SDR16C5: variants seen among roughly 807,000 people sequenced by gnomAD.
SDR16C5 encodes epidermal retinol dehydrogenase 2.
Under a neutral mutation model 27.7 loss-of-function variants are expected in SDR16C5, and 20 were observed. That is an observed-to-expected ratio of 0.72 (90% CI 0.51 to 1.05). The LOEUF (loss-of-function observed/expected upper bound fraction) is 1.05. SDR16C5 is among the 50% of genes least tolerant of loss of function. The pLI, the probability that SDR16C5 is intolerant of heterozygous loss-of-function variation, is 0.00. For synonymous variants in SDR16C5, 139 were observed against 132.3 expected, an observed-to-expected ratio of 1.05 and a Z score of -0.35; for missense variants, 374 against 366.3, an observed-to-expected ratio of 1.02 and a Z score of -0.17.
chr8:56,314,741 A>T (rs1815146155), intron 2 of SDR16C5, among the ~76,000 whole-genome samples: 1 of 152,200 alleles, frequency 6.6e-6, no homozygotes. Context: ...GACAAACTTG[A>T]AAGTCATAAA....
rs1814751466 is a variant in SDR16C5, at chr8:56,301,437, T to C, written c.*43A>G. 7.4e-7 allele frequency: 1 copy of C among 1,354,692 alleles called. No individual in the cohort carries two copies. Among genetic ancestry groups the C allele is most frequent in the African/African-American group, 1.4e-5 (1 of 69,776 alleles). 83.9% of individuals were successfully genotyped at this position (1,354,692 alleles called of 1,614,324 possible). A position where few individuals can be genotyped will look rare whatever the true frequency, so the allele number is the denominator to read the frequency against. ...CTTTTCTTCATTGAAGTACGCATTA[T>C]GTAACACTGTGTATCAGATGACCTT... On this transcript the variant is annotated 3_prime_UTR_variant, in exon 7 of 7. Coordinates refer to ENST00000303749, the MANE Select transcript of SDR16C5 (RefSeq NM_138969.4).
chr8:56,312,678 C>A (rs915902195), intron 2 of SDR16C5, among the ~76,000 whole-genome samples: 1 of 151,902 alleles, frequency 6.6e-6, no homozygotes, highest in Non-Finnish European at 1.5e-5. Context: ...GCACTCCAGC[C>A]TGGGTGACAG....
At chr8:56,312,532 C>G (rs1171953342) in intron 2 of SDR16C5, among the ~76,000 whole-genome samples, 2 of 151,942 alleles carry the variant, frequency 1.3e-5, no homozygotes, top group Non-Finnish European at 1.5e-5. Flanking sequence ...TGGCAAAATC[C>G]TGTCTCTATT....
At position 56,312,160 on chromosome 8, in the gene SDR16C5, T is replaced by C. The variant is rs1416331236; in HGVS notation, c.462A>G (p.Leu154=). The C allele has an allele frequency of 3.1e-6, 5 of 1,611,362 alleles. No individual in the cohort carries two copies. Among genetic ancestry groups the C allele is most frequent in the Non-Finnish European group, 3.4e-6 (4 of 1,177,774 alleles). Residue 154 remains leucine, a synonymous_variant, in exon 3 of 7, where the codon TTA becomes TTG. Transcript: ENST00000303749. ...KSFDVNFKAH[L]WTYKAFLPAM... ...GATGAGAAGAAACAATTATTACCCA[T>C]AAATGTGCTTTGAAATTCACATCAA...
At chr8:56,317,939 T>C (rs188613585) in intron 1 of SDR16C5, among the ~76,000 whole-genome samples, 3 of 152,300 alleles carry the variant, frequency 2.0e-5, no homozygotes, top group African/African-American at 7.2e-5. Context: ...AGTAATCTAG[T>C]TGAAGAGACG....
At chr8:56,302,816 A>T (rs1383193668) in intron 6 of SDR16C5, among the ~76,000 whole-genome samples, 1 of 151,696 alleles carries the variant, frequency 6.6e-6, no homozygotes, top group Non-Finnish European at 1.5e-5. Context: ...CCCCATCTCT[A>T]AAAAAATAAA....
chr8:56,308,320 G>A (rs1442328989), intron 4 of SDR16C5, among the ~76,000 whole-genome samples: 31 of 152,162 alleles, frequency 2.0e-4, no homozygotes. Flanking sequence ...GGTAGGTTAG[G>A]TCAAGATTTC....
At chr8:56,311,673 C>T (rs911048026) in intron 3 of SDR16C5, among the ~76,000 whole-genome samples, 1 of 152,160 alleles carries the variant, frequency 6.6e-6, no homozygotes, top group African/African-American at 2.4e-5. Context: ...ACTAAGGTGA[C>T]TATAGGTTTT....
intron 6 of SDR16C5, among the ~76,000 whole-genome samples, chr8:56,303,539 C>CAACAGATCCTTGGAT (rs1814812030): frequency 1.3e-5 from 2 of 152,202 alleles, no homozygotes; most frequent in East Asian, 3.9e-4. Context: ...TTGTTGTAAC[C>CAACAGATCCTTGGAT]CTAAGCGCAG....
At position 56,312,150 on chromosome 8, in the gene SDR16C5, T is replaced by G. The variant is rs754729809; in HGVS notation, c.465+7A>C. On this transcript the variant is annotated splice_region_variant and intron_variant, in intron 3 of 6. Transcript: ENST00000303749. ...TTACATTTATGATGAGAAGAAACAATTATTACCCATAAATGTGCTTTGAAA... is the reference window on the plus strand; with the variant it reads ...TTACATTTATGATGAGAAGAAACAAGTATTACCCATAAATGTGCTTTGAAA... 1 of 1,605,252 alleles carries G rather than the reference T, an allele frequency of 6.2e-7. No homozygotes were observed. Among genetic ancestry groups the G allele is most frequent in the Non-Finnish European group, 8.5e-7 (1 of 1,173,162 alleles).
chr8:56,314,131 C>T (rs149728697), intron 2 of SDR16C5, among the ~76,000 whole-genome samples: 1,629 of 151,998 alleles, frequency 0.011, 28 homozygotes, highest in African/African-American at 0.037. Flanking sequence ...CGCTTGAACC[C>T]GGGAGGTGGA....
At chr8:56,308,815 T>C (rs979950286) in intron 4 of SDR16C5, 113 bp downstream of exon 4, 1 of 674,014 alleles carries the variant, frequency 1.5e-6, no homozygotes, top group African/African-American at 1.8e-5. Context: ...CTATACTTTT[T>C]AGTTTATTAT....
intron 3 of SDR16C5, chr8:56,309,269 C>T: frequency 1.0e-6 from 1 of 962,146 alleles, no homozygotes; most frequent in Non-Finnish European, 1.2e-6. Context: ...TATGTTTTTG[C>T]TCATATTTGA....
rs767459985 is a variant in SDR16C5, at chr8:56,305,747, A to G, written c.711-25T>C. The G allele has an allele frequency of 2.1e-5, 32 of 1,560,430 alleles. No individual in the cohort carries two copies. In the South Asian group the frequency reaches 4.0e-4, roughly 20 times the overall value. On this transcript the variant is annotated intron_variant, in intron 5 of 6. Transcript: ENST00000303749. ...GCTAGGATATAAAATGACAACAATT[A>G]AAAAAAACCCTGAAGGCCAAATTCA...
Position 56,305,735 on chromosome 8 carries a change from A to G in SDR16C5, c.711-13T>C. ...CAGAGAAGGACAGCTAGGATATAAA[A>G]TGACAACAATTAAAAAAAACCCTGA... On this transcript the variant is annotated splice_polypyrimidine_tract_variant and intron_variant, in intron 5 of 6. Coordinates refer to ENST00000303749, the MANE Select transcript of SDR16C5 (RefSeq NM_138969.4). 6.4e-7 allele frequency: 1 copy of G among 1,570,032 alleles called. No individual in the cohort carries two copies. The highest frequency in any genetic ancestry group is 8.6e-7 in the Non-Finnish European group (1 of 1,167,934).
chr8:56,315,069 C>T (rs1815155748), intron 2 of SDR16C5, among the ~76,000 whole-genome samples: 1 of 152,008 alleles, frequency 6.6e-6, no homozygotes, highest in South Asian at 2.1e-4. Flanking sequence ...ATGGAGAAAC[C>T]CCGTCTCTAC....
chr8:56,305,608 C>T lies in SDR16C5; in HGVS notation c.825G>A (p.Met275Ile). 1.3e-6 allele frequency: 2 copies of T among 1,584,262 alleles called. No individual in the cohort carries two copies. Among genetic ancestry groups the T allele is most frequent in the Non-Finnish European group, 1.7e-6 (2 of 1,171,296 alleles). ...GCTGATGTAATTACCTTTTAAGAAA[C>T]ATCATGAAGTATAACAACTTTGGCA... ...LYMPKLLYFM[M>I]FLKSFLPLKT... Residue 275 changes from methionine to isoleucine, a missense_variant, in exon 6 of 7, where the codon ATG becomes ATA. Met to Ile is a conservative substitution (Grantham distance 10). Transcript: ENST00000303749.
intron 3 of SDR16C5, among the ~76,000 whole-genome samples, 165 bp downstream of exon 3, chr8:56,311,992 G>C (rs371137968): frequency 6.6e-6 from 1 of 152,164 alleles, no homozygotes; most frequent in South Asian, 2.1e-4. Flanking sequence ...GGGGGCTGTA[G>C]ATTAAGTGGC....
In SDR16C5 at chr8:56,301,473, T is replaced by A; in HGVS notation, c.*7A>T. 6.2e-7 allele frequency: 1 copy of A among 1,600,716 alleles called. No individual in the cohort carries two copies. On this transcript the variant is annotated 3_prime_UTR_variant, in exon 7 of 7. Transcript: ENST00000303749. ...GTATCAGATGACCTTAGCCATAGAG[T>A]TGGTCTTTAGAGCTTCTTCTTTTGG...
Sources: allele counts gnomAD v4.1 joint callset (sites outside exome capture counted in the v4.1 genomes callset), GRCh38; gene constraint gnomAD v4.1.1; transcripts MANE v1.5; gene names NCBI Gene and HGNC (gene_info 2026-07-23, HGNC 2026-07-21).